Variants in ITFG1 observed in about 807,000 individuals in gnomAD.
The protein encoded by ITFG1 is integrin alpha FG-GAP repeat containing 1.
ITFG1 carries 34 observed loss-of-function variants against 81.8 expected under a neutral mutation model. That is an observed-to-expected ratio of 0.42 (90% confidence interval 0.32 to 0.55). The LOEUF is 0.55. ITFG1 is among the 20% of genes least tolerant of loss of function. ITFG1 has a pLI of 0.17. For synonymous variants in ITFG1, 285 were observed against 270.6 expected (o/e 1.05, Z -0.52); for missense variants, 672 against 755.4 (o/e 0.89, Z 1.29).
At chr16:47,165,915 AC>A (rs1374526579) in intron 14 of ITFG1, among the ~76,000 whole-genome samples, 1 of 152,222 alleles carries the variant, frequency 6.6e-6, no homozygotes, top group African/African-American at 2.4e-5. Flanking sequence ...GCAAAGACTG[AC>A]TTAACAGAAG....
At chr16:47,454,442 C>G (rs1014661807) in intron 2 of ITFG1, among the ~76,000 whole-genome samples, 1 of 152,122 alleles carries the variant, frequency 6.6e-6, no homozygotes, top group East Asian at 1.9e-4. Flanking sequence ...TATAGCCCTT[C>G]TATATAGTTC....
intron 8 of ITFG1, among the ~76,000 whole-genome samples, chr16:47,338,257 A>C (rs1967734633): frequency 6.6e-6 from 1 of 152,126 alleles, no homozygotes; most frequent in African/African-American, 2.4e-5. Flanking sequence ...TAAACATAAA[A>C]AACATTGGCC....
chr16:47,260,726 TATAAACATCAACACTGTGGCATC>T (rs762002747), intron 10 of ITFG1, 31 bp from the exon 11 acceptor site: 4 of 1,611,898 alleles, frequency 2.5e-6, no homozygotes, highest in Non-Finnish European at 3.4e-6. Context: ...ATTTCGTTAA[TATAAACATCAACACTGTGGCATC>T]GGCTCTGTAG....
chr16:47,219,515 T>C (rs1430175943), intron 13 of ITFG1, among the ~76,000 whole-genome samples: 2 of 152,132 alleles, frequency 1.3e-5, no homozygotes, highest in African/African-American at 4.8e-5. Flanking sequence ...TCCTCAAACC[T>C]TGAATAAAAT....
intron 10 of ITFG1, among the ~76,000 whole-genome samples, chr16:47,294,209 T>C (rs1966951431): frequency 6.6e-6 from 1 of 152,170 alleles, no homozygotes; most frequent in Non-Finnish European, 1.5e-5. Context: ...TTCTGTTTCA[T>C]TGATCTATGT....
intron 8 of ITFG1, among the ~76,000 whole-genome samples, chr16:47,343,778 A>G (rs1967815816): frequency 6.6e-6 from 1 of 152,154 alleles, no homozygotes; most frequent in Non-Finnish European, 1.5e-5. Flanking sequence ...TACATTATAG[A>G]AATAGTTTTT....
intron 10 of ITFG1, among the ~76,000 whole-genome samples, chr16:47,264,746 C>A (rs1229994914): frequency 6.6e-6 from 1 of 152,068 alleles, no homozygotes; most frequent in African/African-American, 2.4e-5. Context: ...AATGTATGAG[C>A]GTCTTTTCAT....
intron 13 of ITFG1, among the ~76,000 whole-genome samples, chr16:47,223,448 A>C (rs974167968): frequency 6.6e-6 from 1 of 152,278 alleles, no homozygotes; most frequent in Non-Finnish European, 1.5e-5. Flanking sequence ...TATGCAGCCA[A>C]AAAACACATG....
rs534412227 is a variant in ITFG1 at position 47,424,943 on chromosome 16, C to T, written c.655+3861G>A. Reference sequence around the variant, plus strand: ...GTCCGTTCTCGGAGTTGGAACGCCACGCTGAGAGAACCACTGCTCTCTTCA... The same window carrying T: ...GTCCGTTCTCGGAGTTGGAACGCCATGCTGAGAGAACCACTGCTCTCTTCA... On this transcript the variant is annotated intron_variant, in intron 6 of 17. Coordinates refer to ENST00000320640, the MANE Select transcript of ITFG1 (RefSeq NM_030790.5). Among the ~76,000 whole-genome samples, 472 of 152,220 alleles carry T rather than the reference C, an allele frequency of 3.1e-3. 1 individual carries two copies. Among genetic ancestry groups the T allele is most frequent in the African/African-American group, 0.011 (458 of 41,536 alleles).
intron 14 of ITFG1, among the ~76,000 whole-genome samples, chr16:47,187,421 T>C (rs374996196): frequency 6.6e-6 from 1 of 151,748 alleles, no homozygotes; most frequent in East Asian, 1.9e-4. Flanking sequence ...GAGATATAGA[T>C]CAATGGAACA....
chr16:47,344,479 T>C (rs756389086), intron 8 of ITFG1, among the ~76,000 whole-genome samples: 5 of 152,206 alleles, frequency 3.3e-5, no homozygotes, highest in Non-Finnish European at 5.9e-5. Context: ...GGAAGACTTT[T>C]ATGATATGTA....
intron 12 of ITFG1, among the ~76,000 whole-genome samples, chr16:47,257,480 T>C (rs765473772): frequency 4.6e-5 from 7 of 152,052 alleles, no homozygotes; most frequent in Admixed American, 2.0e-4. Context: ...ACTACTAGCA[T>C]GGGTGGGAAC....
At chr16:47,421,303 C>CACACAT (rs1968945197) in intron 6 of ITFG1, among the ~76,000 whole-genome samples, 2 of 145,124 alleles carry the variant, frequency 1.4e-5, no homozygotes, top group African/African-American at 5.6e-5. Flanking sequence ...CACACACACA[C>CACACAT]ACATACATAT....
At chr16:47,263,710 T>C (rs183055396) in intron 10 of ITFG1, among the ~76,000 whole-genome samples, 124 of 152,344 alleles carry the variant, frequency 8.1e-4, no homozygotes, top group African/African-American at 2.9e-3. Context: ...TAAGGTACTC[T>C]ACTCACTACT....
intron 5 of ITFG1, 122 bp downstream of exon 5, chr16:47,451,274 T>G: frequency 1.7e-6 from 1 of 589,270 alleles, no homozygotes; most frequent in Non-Finnish European, 3.0e-6. Flanking sequence ...TTATATATAT[T>G]AACCAAATGC....
chr16:47,251,288 T>C (rs921508353), intron 12 of ITFG1, among the ~76,000 whole-genome samples: 65 of 152,190 alleles, frequency 4.3e-4, no homozygotes, highest in African/African-American at 1.5e-3. Flanking sequence ...AAGGCATCAC[T>C]TCAGCTCTCC....
At chr16:47,183,348 C>T (rs968412942) in intron 14 of ITFG1, among the ~76,000 whole-genome samples, 18 of 152,312 alleles carry the variant, frequency 1.2e-4, no homozygotes, top group Admixed American at 9.1e-4. Context: ...AACAAAAAGA[C>T]AGCAGTAACC....
At chr16:47,239,285 C>T (rs1237798250) in intron 12 of ITFG1, among the ~76,000 whole-genome samples, 1 of 152,058 alleles carries the variant, frequency 6.6e-6, no homozygotes, top group Non-Finnish European at 1.5e-5. Context: ...ACTGCAACCT[C>T]CACCTCCTGG....
chr16:47,341,304 G>T (rs892467672), intron 8 of ITFG1, among the ~76,000 whole-genome samples: 2 of 148,622 alleles, frequency 1.3e-5, no homozygotes, highest in African/African-American at 5.0e-5. Context: ...AGCCAGGTGT[G>T]GTGCGCACTT....
Sources: allele counts gnomAD v4.1 joint callset (sites outside exome capture counted in the v4.1 genomes callset), GRCh38; gene constraint gnomAD v4.1.1; transcripts MANE v1.5; gene names NCBI Gene and HGNC (gene_info 2026-07-23, HGNC 2026-07-21).